The following SORCS1 variants were observed in gnomAD, a reference collection of about 807,000 sequenced individuals.
The protein encoded by SORCS1 is VPS10 domain-containing receptor SorCS1.
SORCS1 carries 60 observed loss-of-function variants against 146.1 expected under a neutral mutation model. The observed-to-expected ratio is 0.41, with a 90% CI of 0.33 to 0.51. The LOEUF is 0.51. Among genes scored for constraint, SORCS1 ranks in the 20% least tolerant of loss-of-function variants. The probability of loss-of-function intolerance (pLI) is 0.21; values close to 1 mark genes in which losing one functional copy is unlikely to be tolerated. For synonymous variants in SORCS1, 637 were observed against 584.0 expected (o/e 1.09, Z -1.31); for missense variants, 1,352 against 1,487.6 (o/e 0.91, Z 1.50).
chr10:106,675,884 A>G (rs961621376), intron 13 of SORCS1, among the ~76,000 whole-genome samples: 3 of 152,202 alleles, frequency 2.0e-5, no homozygotes, highest in Non-Finnish European at 2.9e-5. Context: ...ACGTGAGGAT[A>G]CAGCAAAATG....
At chr10:106,908,948 C>G (rs188618575) in intron 2 of SORCS1, among the ~76,000 whole-genome samples, 1 of 151,942 alleles carries the variant, frequency 6.6e-6, no homozygotes, top group Non-Finnish European at 1.5e-5. Context: ...TTTTTTTTAT[C>G]TTCATGGTAC....
chr10:106,900,724 C>A (rs1316115515), intron 2 of SORCS1, among the ~76,000 whole-genome samples: 1 of 152,102 alleles, frequency 6.6e-6, no homozygotes, highest in Non-Finnish European at 1.5e-5. Context: ...GACTTATATC[C>A]AAATCCTACC....
rs1426637814 is a variant in SORCS1, at chr10:106,670,821, G to A, written c.2189+416C>T. Among the ~76,000 whole-genome samples, 13 of 151,714 alleles carry A rather than the reference G, an allele frequency of 8.6e-5. No homozygotes were observed. The East Asian group carries it at 2.5e-3, about 30-fold the overall frequency. ...CGATTCTCCTGCTTCAGCCTCCCGA[G>A]CAGCTGGGATTACAGGTGTCCGCCA... On this transcript the variant is annotated intron_variant, in intron 16 of 25. Transcript: ENST00000263054.
intron 2 of SORCS1, among the ~76,000 whole-genome samples, chr10:106,915,712 G>A (rs937105349): frequency 1.3e-5 from 2 of 152,236 alleles, no homozygotes; most frequent in Admixed American, 1.3e-4. Flanking sequence ...AACTGAGGTT[G>A]TGTGGCTGTT....
At chr10:106,856,091 A>T (rs1311849144) in intron 2 of SORCS1, among the ~76,000 whole-genome samples, 1 of 151,278 alleles carries the variant, frequency 6.6e-6, no homozygotes, top group African/African-American at 2.4e-5. Flanking sequence ...CCGTGGTGCA[A>T]TCTCAGCTCA....
chr10:106,702,371 C>T (rs535545827), intron 8 of SORCS1, among the ~76,000 whole-genome samples: 82 of 152,368 alleles, frequency 5.4e-4, no homozygotes, highest in Admixed American at 1.3e-3. Context: ...ATTCCCACTT[C>T]TGTGATTTAC....
intron 3 of SORCS1, among the ~76,000 whole-genome samples, chr10:106,790,969 C>A (rs146571386): frequency 6.6e-6 from 1 of 152,264 alleles, no homozygotes; most frequent in South Asian, 2.1e-4. Context: ...AATAAAAGAA[C>A]AATCACTTAA....
At chr10:106,761,447 C>T (rs1047781944) in intron 5 of SORCS1, 141 bp downstream of exon 5, 2 of 677,554 alleles carry the variant, frequency 3.0e-6, no homozygotes, top group Non-Finnish European at 5.3e-6. Context: ...TCACATCCTG[C>T]CCTGAGGGGA....
chr10:106,973,504 C>G (rs1268284981), intron 1 of SORCS1, among the ~76,000 whole-genome samples: 1 of 152,164 alleles, frequency 6.6e-6, no homozygotes, highest in Non-Finnish European at 1.5e-5. Context: ...AGAAAAAGAG[C>G]CACTGTTCAC....
At chr10:106,841,147 C>T (rs1949021714) in intron 2 of SORCS1, among the ~76,000 whole-genome samples, 1 of 152,104 alleles carries the variant, frequency 6.6e-6, no homozygotes, top group Non-Finnish European at 1.5e-5. Context: ...AGCCACCCTG[C>T]CCAGCCATAA....
intron 6 of SORCS1, among the ~76,000 whole-genome samples, chr10:106,715,175 A>G (rs1231307212): frequency 6.6e-6 from 1 of 152,246 alleles, no homozygotes; most frequent in African/African-American, 2.4e-5. Flanking sequence ...CTCTTTCCAT[A>G]TTCAATTCTG....
At chr10:106,966,252 T>C (rs949298892) in intron 1 of SORCS1, among the ~76,000 whole-genome samples, 3 of 151,760 alleles carry the variant, frequency 2.0e-5, no homozygotes, top group African/African-American at 4.9e-5. Context: ...GAAAGGGTGA[T>C]AGAAATACAT....
At chr10:107,056,826 C>G (rs1960685262) in intron 1 of SORCS1, among the ~76,000 whole-genome samples, 3 of 152,160 alleles carry the variant, frequency 2.0e-5, no homozygotes, top group Admixed American at 2.0e-4. Flanking sequence ...AGTAAATAAC[C>G]CTAACCCAGT....
At chr10:107,178,097 A>G in the SORCS1 span, among the ~76,000 whole-genome samples, 50 of 152,310 alleles carry the variant, frequency 3.3e-4, no homozygotes, top group East Asian at 9.3e-3. Context: ...GCAAATCACC[A>G]TAGCACACTT....
intron 19 of SORCS1, among the ~76,000 whole-genome samples, chr10:106,626,947 A>G (rs1405438955): frequency 6.6e-6 from 1 of 152,236 alleles, no homozygotes. Flanking sequence ...AACACGAAAC[A>G]TTCCATTACA....
At chr10:106,641,355 T>C (rs1308794643) in intron 18 of SORCS1, among the ~76,000 whole-genome samples, 3 of 152,224 alleles carry the variant, frequency 2.0e-5, no homozygotes, top group Non-Finnish European at 4.4e-5. Context: ...TACATACTAC[T>C]GTATGTAAAA....
At chr10:106,880,320 G>A (rs968445997) in intron 2 of SORCS1, among the ~76,000 whole-genome samples, 1 of 152,106 alleles carries the variant, frequency 6.6e-6, no homozygotes, top group Non-Finnish European at 1.5e-5. Context: ...ACTAGCTTTG[G>A]TGCTAAAAAA....
At chr10:107,149,541 C>G (rs1180046763) in intron 1 of SORCS1, among the ~76,000 whole-genome samples, 1 of 152,170 alleles carries the variant, frequency 6.6e-6, no homozygotes, top group African/African-American at 2.4e-5. Flanking sequence ...AAAATCCCAT[C>G]ACCATTGTGC....
chr10:106,709,368 C>T (rs1854784052), intron 6 of SORCS1, 27 bp from the exon 7 acceptor site: 5 of 1,494,380 alleles, frequency 3.3e-6, no homozygotes, highest in Middle Eastern at 1.7e-4. Context: ...AAAACAAAAA[C>T]ATGGGGTTGA....
Sources: gnomAD v4.1 joint callset for allele counts (sites outside exome capture counted in the v4.1 genomes callset) on GRCh38, gnomAD v4.1.1 for gene constraint, MANE v1.5 for transcripts, NCBI Gene and HGNC (gene_info 2026-07-23, HGNC 2026-07-21) for gene names.